THSD7A: variants seen among roughly 807,000 people sequenced by gnomAD.
The protein encoded by THSD7A is thrombospondin type-1 domain-containing protein 7A.
Under a neutral mutation model 231.3 loss-of-function variants are expected in THSD7A, and 96 were observed. The ratio of observed to expected loss-of-function variants is 0.41; its 90% CI spans 0.35 to 0.49. The LOEUF (loss-of-function observed/expected upper bound fraction) is 0.49, where lower values mean the gene tolerates loss of function less well. Among genes scored for constraint, THSD7A ranks in the 20% least tolerant of loss-of-function variants. The pLI is 0.05. For missense variants in THSD7A, 2,290 were observed against 2,070.2 expected (o/e 1.11, Z -2.06); for synonymous variants, 940 against 743.3 (o/e 1.26, Z -4.30).
At position 11,590,731 on chromosome 7, in the gene THSD7A, G is replaced by C; in HGVS notation, c.1272-90C>G. ...TCATACTTTGTTTTAACGAAAATTA[G>C]TCTCAAAATCATTTTCCTAGAGAAT... On this transcript the variant is annotated intron_variant, in intron 3 of 27. Transcript: ENST00000423059. The surrounding 1 kb of genome is among the most constrained non-coding windows in gnomAD (Gnocchi z 4.4). 1 of 1,390,298 alleles carries C rather than the reference G, an allele frequency of 7.2e-7. No homozygotes were observed. The allele number at this position is 1,390,298 out of a possible 1,614,324, so 86.1% of individuals were successfully genotyped here. A position where few individuals can be genotyped will look rare whatever the true frequency, so the allele number is the denominator to read the frequency against.
chr7:11,388,951 T>C (rs1403056553), intron 23 of THSD7A, among the ~76,000 whole-genome samples: 1 of 152,228 alleles, frequency 6.6e-6, no homozygotes, highest in Non-Finnish European at 1.5e-5. Flanking sequence ...TCTAATTGGA[T>C]TGCACTGTGA....
At chr7:11,460,639 A>T in intron 11 of THSD7A, 23 bp downstream of exon 11, 3 of 1,577,556 alleles carry the variant, frequency 1.9e-6, no homozygotes, top group Middle Eastern at 1.7e-4. Flanking sequence ...TGGAGAAATG[A>T]ACTGTGGAAT....
At chr7:11,422,881 G>C (rs1256636433) in intron 16 of THSD7A, among the ~76,000 whole-genome samples, 1 of 152,106 alleles carries the variant, frequency 6.6e-6, no homozygotes, top group Admixed American at 6.5e-5. Context: ...TTGATTTCTT[G>C]ACGTTGTGAT....
intron 1 of THSD7A, among the ~76,000 whole-genome samples, chr7:11,808,456 T>G (rs80318004): frequency 0.012 from 1,867 of 152,262 alleles, 35 homozygotes; most frequent in African/African-American, 0.042. Flanking sequence ...TCCAGAATTG[T>G]GAGAAATAAA....
intron 9 of THSD7A, among the ~76,000 whole-genome samples, chr7:11,468,231 A>G (rs916892826): frequency 6.6e-6 from 1 of 152,106 alleles, no homozygotes; most frequent in Non-Finnish European, 1.5e-5. Context: ...GGCATCAAGA[A>G]CAAAATTTGT....
chr7:11,558,885 A>C (rs936301479), intron 4 of THSD7A, among the ~76,000 whole-genome samples: 43 of 152,224 alleles, frequency 2.8e-4, no homozygotes, highest in African/African-American at 9.9e-4. Context: ...TGAGATGGGG[A>C]AAGTAACCTA....
rs757117350 is a variant in THSD7A at position 11,470,036 on chromosome 7, C to T, written c.2253-42G>A. ...GAATTATTAGGCTTCAATAGTAAAG[C>T]AGAAAATCAGATAATTTAATTTCTC... On this transcript the variant is annotated intron_variant, in intron 8 of 27. Coordinates refer to ENST00000423059, the MANE Select transcript of THSD7A (RefSeq NM_015204.3). The T allele has an allele frequency of 3.1e-6, 4 of 1,287,474 alleles. No homozygotes were observed. The South Asian group carries it at 5.1e-5, about 17-fold the overall frequency. 79.8% of individuals were successfully genotyped at this position (1,287,474 alleles called of 1,614,324 possible). A position where few individuals can be genotyped will look rare whatever the true frequency, so the allele number is the denominator to read the frequency against.
chr7:11,555,675 T>C (rs939372006), intron 4 of THSD7A, among the ~76,000 whole-genome samples: 6 of 151,860 alleles, frequency 4.0e-5, no homozygotes, highest in Admixed American at 3.9e-4. Context: ...CCAACTACAA[T>C]TATCTATTTG....
chr7:11,828,411 A>C (rs1178378253), intron 1 of THSD7A, among the ~76,000 whole-genome samples: 2 of 152,116 alleles, frequency 1.3e-5, no homozygotes, highest in Non-Finnish European at 2.9e-5. Flanking sequence ...TCATCCTTCA[A>C]GACCCAGATC....
chr7:11,812,887 C>T (rs143471659), intron 1 of THSD7A, among the ~76,000 whole-genome samples: 1,926 of 152,224 alleles, frequency 0.013, 26 homozygotes, highest in Non-Finnish European at 0.02. Flanking sequence ...CACTTAACTT[C>T]AGGTACCTGA....
intron 1 of THSD7A, chr7:11,820,508 G>T: frequency 1.2e-6 from 1 of 823,446 alleles, no homozygotes; most frequent in Non-Finnish European, 1.9e-6. Flanking sequence ...TTTTGGGTGT[G>T]TAATCTAGGT....
intron 23 of THSD7A, 143 bp from the exon 24 acceptor site, chr7:11,382,759 C>T: frequency 1.4e-6 from 1 of 706,204 alleles, no homozygotes; most frequent in Non-Finnish European, 2.4e-6. Flanking sequence ...CCTGAAGTTG[C>T]CATGCATATG....
chr7:11,768,604 T>C (rs545318139), intron 1 of THSD7A, among the ~76,000 whole-genome samples: 1 of 152,262 alleles, frequency 6.6e-6, no homozygotes, highest in African/African-American at 2.4e-5. Context: ...CATGTGATTG[T>C]GAACTCAGGG....
intron 6 of THSD7A, among the ~76,000 whole-genome samples, chr7:11,526,220 A>G (rs1338863898): frequency 6.6e-6 from 1 of 152,208 alleles, no homozygotes; most frequent in Non-Finnish European, 1.5e-5. Flanking sequence ...CGAACTGTTC[A>G]GTAACATGCC....
intron 1 of THSD7A, among the ~76,000 whole-genome samples, chr7:11,789,786 C>G (rs567650081): frequency 1.3e-5 from 2 of 152,074 alleles, no homozygotes; most frequent in Admixed American, 1.3e-4. Flanking sequence ...TCTCTTGATG[C>G]TCCTTTAAAT....
chr7:11,675,088 G>A (rs757943480), intron 1 of THSD7A, among the ~76,000 whole-genome samples: 1 of 152,050 alleles, frequency 6.6e-6, no homozygotes, highest in African/African-American at 2.4e-5. Flanking sequence ...TATTGGGACT[G>A]GTTAGAAAGT....
intron 1 of THSD7A, among the ~76,000 whole-genome samples, chr7:11,741,454 G>C (rs1056680140): frequency 2.0e-5 from 3 of 151,798 alleles, no homozygotes; most frequent in Non-Finnish European, 4.4e-5. Context: ...GGTTAATTTT[G>C]TGGGAATATA....
chr7:11,653,489 TG>T (rs1782587796), intron 1 of THSD7A, among the ~76,000 whole-genome samples: 1 of 144,884 alleles, frequency 6.9e-6, no homozygotes. Flanking sequence ...TGTGTGTGTG[TG>T]TGTGTGTTTT....
chr7:11,615,455 A>G (rs1584086750), intron 2 of THSD7A, among the ~76,000 whole-genome samples: 1 of 152,102 alleles, frequency 6.6e-6, no homozygotes. Context: ...GGAATTCTGC[A>G]CTCTGCCTAT....
Sources: allele counts gnomAD v4.1 joint callset (sites outside exome capture counted in the v4.1 genomes callset), GRCh38; gene constraint gnomAD v4.1.1; non-coding constraint Gnocchi (gnomAD v3.1); transcripts MANE v1.5; gene names NCBI Gene and HGNC (gene_info 2026-07-23, HGNC 2026-07-21).